RABGAP1L: variants seen among roughly 807,000 people sequenced by gnomAD.
RABGAP1L encodes rab GTPase-activating protein 1-like.
A neutral mutation model predicts 137.7 loss-of-function variants in RABGAP1L; 63 were observed. The ratio of observed to expected loss-of-function variants is 0.46; its 90% CI spans 0.37 to 0.56. The LOEUF (loss-of-function observed/expected upper bound fraction) is 0.56. Ranked by LOEUF, RABGAP1L falls within the 20% of genes least tolerant of loss-of-function variation. RABGAP1L has a pLI of 0.00. For missense variants in RABGAP1L, 1,095 were observed against 1,244.0 expected, an observed-to-expected ratio of 0.88 and a Z score of 1.80; for synonymous variants, 431 against 433.7, an observed-to-expected ratio of 0.99 and a Z score of 0.08.
chr1:174,600,100 C>T (rs985906271), intron 13 of RABGAP1L, among the ~76,000 whole-genome samples: 2 of 152,112 alleles, frequency 1.3e-5, no homozygotes, highest in African/African-American at 4.8e-5. Flanking sequence ...TATATGGCAG[C>T]AGCAAGAGAA....
At chr1:174,500,283 T>C (rs1316202216) in intron 13 of RABGAP1L, among the ~76,000 whole-genome samples, 1 of 152,134 alleles carries the variant, frequency 6.6e-6, no homozygotes, top group Non-Finnish European at 1.5e-5. Context: ...TTTTACCACA[T>C]TGGCCAGGGT....
intron 5 of RABGAP1L, among the ~76,000 whole-genome samples, chr1:174,242,299 A>T (rs1206601727): frequency 1.3e-5 from 2 of 152,260 alleles, no homozygotes; most frequent in Non-Finnish European, 2.9e-5. Context: ...GATTAAATGC[A>T]GTTAATTACA....
At chr1:174,838,815 G>A (rs1173081658) in intron 19 of RABGAP1L, among the ~76,000 whole-genome samples, 2 of 150,464 alleles carry the variant, frequency 1.3e-5, no homozygotes, top group African/African-American at 2.4e-5. Context: ...TACTCGGAGA[G>A]GCTGAGGCGG....
At chr1:174,625,546 T>A (rs1469319373) in intron 13 of RABGAP1L, among the ~76,000 whole-genome samples, 1 of 151,946 alleles carries the variant, frequency 6.6e-6, no homozygotes, top group African/African-American at 2.4e-5. Context: ...GATCCTCCCA[T>A]CTCAGCCTAC....
chr1:174,383,047 C>G (rs1036896307), intron 12 of RABGAP1L, among the ~76,000 whole-genome samples: 4 of 149,844 alleles, frequency 2.7e-5, no homozygotes, highest in African/African-American at 7.6e-5. Context: ...GAATACCCTG[C>G]GATGTGAGGT....
chr1:174,492,170 G>A (rs552964856), intron 13 of RABGAP1L, among the ~76,000 whole-genome samples: 22 of 145,078 alleles, frequency 1.5e-4, no homozygotes, highest in Admixed American at 6.2e-4. Flanking sequence ...CCTCTATGTC[G>A]AATTACTTTT....
intron 20 of RABGAP1L, among the ~76,000 whole-genome samples, chr1:174,962,228 A>G (rs1229390762): frequency 7.2e-6 from 1 of 138,624 alleles, no homozygotes; most frequent in Non-Finnish European, 1.5e-5. Flanking sequence ...CAGCTAGTTA[A>G]TTAAATTCAG....
chr1:174,528,578 C>T (rs1664126452), intron 13 of RABGAP1L, among the ~76,000 whole-genome samples: 1 of 145,126 alleles, frequency 6.9e-6, no homozygotes, highest in African/African-American at 2.6e-5. Context: ...CATTGTTAGT[C>T]TGATGGTTTT....
At chr1:174,511,467 C>T (rs1010105752) in intron 13 of RABGAP1L, among the ~76,000 whole-genome samples, 2 of 152,026 alleles carry the variant, frequency 1.3e-5, no homozygotes, top group Admixed American at 6.6e-5. Flanking sequence ...ATAATTTCTG[C>T]CTAAGAGAAA....
chr1:174,393,263 A>T (rs1647379299), intron 12 of RABGAP1L, among the ~76,000 whole-genome samples: 1 of 152,188 alleles, frequency 6.6e-6, no homozygotes, highest in Non-Finnish European at 1.5e-5. Flanking sequence ...TGTTGTAACA[A>T]GTCAGGGAGA....
intron 19 of RABGAP1L, among the ~76,000 whole-genome samples, chr1:174,933,145 A>T (rs896451842): frequency 2.0e-5 from 3 of 152,030 alleles, no homozygotes; most frequent in South Asian, 2.1e-4. Flanking sequence ...CATACATACA[A>T]ACATACATAC....
Position 174,843,798 on chromosome 1 carries a change from G to A in RABGAP1L, c.2340+31838G>A, listed in dbSNP as rs1308675658. Among the ~76,000 whole-genome samples the A allele has an allele frequency of 5.6e-3, 712 of 126,072 alleles. 8 individuals carry two copies. Among genetic ancestry groups the A allele is most frequent in the African/African-American group, 0.02 (665 of 32,742 alleles). The allele number at this position is 126,072 out of a possible 152,430, so 82.7% of individuals were successfully genotyped here. A position where few individuals can be genotyped will look rare whatever the true frequency, so the allele number is the denominator to read the frequency against. On this transcript the variant is annotated intron_variant, in intron 19 of 25. Coordinates refer to ENST00000681986, the MANE Select transcript of RABGAP1L (RefSeq NM_001366446.1). ...TCTAGTTCTAGATCCCTGAGGAATC[G>A]CCACACTGACTTCCACAATGGTTGA...
intron 5 of RABGAP1L, among the ~76,000 whole-genome samples, chr1:174,246,682 G>T (rs1304483690): frequency 3.9e-5 from 6 of 152,130 alleles, no homozygotes; most frequent in Non-Finnish European, 5.9e-5. Context: ...AGGCTATATG[G>T]AATATTACAC....
At chr1:174,182,122 C>T (rs78223912) in intron 1 of RABGAP1L, among the ~76,000 whole-genome samples, 4 of 152,170 alleles carry the variant, frequency 2.6e-5, no homozygotes, top group African/African-American at 9.6e-5. Flanking sequence ...ACTGTGTCCT[C>T]CGTGGACTGT....
intron 17 of RABGAP1L, among the ~76,000 whole-genome samples, chr1:174,727,990 A>G (rs1682133456): frequency 6.6e-6 from 1 of 152,216 alleles, no homozygotes. Flanking sequence ...CTTTACTCTC[A>G]GCACTAAATT....
chr1:174,205,830 T>C (rs1440318264), intron 1 of RABGAP1L, among the ~76,000 whole-genome samples: 1 of 152,226 alleles, frequency 6.6e-6, no homozygotes, highest in Non-Finnish European at 1.5e-5. Context: ...GTTGATTTCT[T>C]CTTGCTTCTC....
intron 25 of RABGAP1L, 134 bp from the exon 26 acceptor site, chr1:174,989,715 A>G: frequency 5.6e-6 from 5 of 894,746 alleles, no homozygotes; most frequent in Non-Finnish European, 8.2e-6. Flanking sequence ...AAGCCAATTC[A>G]ATCTCTCCTG....
intron 13 of RABGAP1L, among the ~76,000 whole-genome samples, chr1:174,424,284 G>C (rs887060731): frequency 6.6e-6 from 1 of 152,006 alleles, no homozygotes; most frequent in Non-Finnish European, 1.5e-5. Context: ...CTTATTTTCA[G>C]ACTTTGTGCC....
chr1:174,408,671 C>T (rs1298310375), intron 13 of RABGAP1L, among the ~76,000 whole-genome samples: 2 of 152,100 alleles, frequency 1.3e-5, no homozygotes, highest in Admixed American at 1.3e-4. Context: ...ATTTACATTC[C>T]CACCAACAGT....
Sources: allele counts gnomAD v4.1 joint callset (sites outside exome capture counted in the v4.1 genomes callset), GRCh38; gene constraint gnomAD v4.1.1; transcripts MANE v1.5; gene names NCBI Gene and HGNC (gene_info 2026-07-23, HGNC 2026-07-21).